The following SAMSN1 variants were observed in gnomAD, a reference collection of about 807,000 sequenced individuals.
The protein encoded by SAMSN1 is SAM domain, SH3 domain and nuclear localization signals 1, also known as SAM domain-containing protein SAMSN-1.
SAMSN1 carries 31 observed loss-of-function variants against 42.0 expected under a neutral mutation model. The ratio of observed to expected loss-of-function variants is 0.74; its 90% confidence interval spans 0.55 to 1.00. SAMSN1 has a LOEUF of 1.00. Among genes scored for constraint, SAMSN1 ranks in the 50% least tolerant of loss-of-function variants. The probability of loss-of-function intolerance (pLI) is 0.00; values close to 1 mark genes in which losing one functional copy is unlikely to be tolerated. For synonymous variants in SAMSN1, 178 were observed against 151.9 expected (o/e 1.17, Z -1.26); for missense variants, 464 against 439.4 (o/e 1.06, Z -0.50).
At chr21:14,622,600 C>G (rs2123345491) in intron 2 of SAMSN1, among the ~76,000 whole-genome samples, 1 of 152,304 alleles carries the variant, frequency 6.6e-6, no homozygotes, top group East Asian at 1.9e-4. Context: ...TGAACAGCCT[C>G]TAAGAATTAT....
rs915217601 is a variant in SAMSN1 at position 14,612,859 on chromosome 21, C to A, written c.235+17G>T. The A allele has an allele frequency of 6.4e-5, 45 of 705,938 alleles. No homozygotes were observed. The Admixed American group carries it at 6.5e-4, about 10-fold the overall frequency. 43.7% of individuals were successfully genotyped at this position (705,938 alleles called of 1,614,324 possible). ...CAGAATACATCGTTTACACTTGTAA[C>A]CTTAGGAATCACTAACCAAATATTT... is the stretch of plus-strand genomic sequence containing the variant. On this transcript the variant is annotated intron_variant, in intron 4 of 15. Coordinates refer to the SAMSN1 transcript ENST00000647101.
chr21:14,500,631 G>A lies in SAMSN1; in HGVS notation c.666C>T (p.Ile222=). 1 of 1,614,004 alleles carries A rather than the reference G, an allele frequency of 6.2e-7. No homozygotes were observed. Among genetic ancestry groups the A allele is most frequent in the Non-Finnish European group, 8.5e-7 (1 of 1,179,946 alleles). Residue 222 remains isoleucine, a synonymous_variant, in exon 6 of 8, where the codon ATC becomes ATT. Coordinates refer to ENST00000400566, the MANE Select transcript of SAMSN1 (RefSeq NM_022136.5). ...GNFKFIYVDV[I]SEEEAAPKKI... ...TCTTGGGGGCTGCTTCCTCTTCTGA[G>A]ATGACATCCACATAAATGAATTTGA...
In SAMSN1 at chr21:14,510,570, C is replaced by CT. The variant is rs889496654; in HGVS notation, c.410-110dup. ...TGCTGGAACACTGGATGCCAGGCTC[C>CT]TGAGGAAGTTCTAATTGACCCATCC... On this transcript the variant is annotated intron_variant, in intron 4 of 7. Coordinates refer to ENST00000400566, the MANE Select transcript of SAMSN1 (RefSeq NM_022136.5). 1.6e-5 allele frequency: 20 copies of CT among 1,269,518 alleles called. No individual in the cohort carries two copies. The African/African-American group carries it at 2.6e-4, about 17-fold the overall frequency. 78.6% of individuals were successfully genotyped at this position (1,269,518 alleles called of 1,614,324 possible). A position where few individuals can be genotyped will look rare whatever the true frequency, so the allele number is the denominator to read the frequency against.
At chr21:14,510,484 GTTGTCATGGAAGACTTATAACA>G in intron 4 of SAMSN1, 23 bp from the exon 5 acceptor site, 1 of 1,613,680 alleles carries the variant, frequency 6.2e-7, no homozygotes. Context: ...GAAGTTCACA[GTTGTCATGGAAGACTTATAACA>G]TTCTGAATCA....
chr21:14,582,333 T>G (rs1403051135), exon 2 of SAMSN1: 14 of 1,550,310 alleles, frequency 9.0e-6, no homozygotes, highest in Admixed American at 2.0e-5. Context: ...TCTTCCAAGT[T>G]GCAGTTATTT....
intron 2 of SAMSN1, among the ~76,000 whole-genome samples, chr21:14,638,597 C>T (rs963162478): frequency 3.9e-5 from 6 of 152,146 alleles, no homozygotes; most frequent in African/African-American, 1.4e-4. Context: ...GTGCATGATA[C>T]AATTACGGGC....
At chr21:14,634,761 C>A (rs1334295721) in intron 2 of SAMSN1, among the ~76,000 whole-genome samples, 3 of 152,146 alleles carry the variant, frequency 2.0e-5, no homozygotes, top group African/African-American at 2.4e-5. Context: ...TGTGGTGATA[C>A]CTCAAGGATC....
At chr21:14,500,962 C>A (rs556603857) in intron 5 of SAMSN1, among the ~76,000 whole-genome samples, 4 of 152,022 alleles carry the variant, frequency 2.6e-5, no homozygotes, top group East Asian at 1.9e-4. Flanking sequence ...TTGCATGAGG[C>A]CAGGAGTTTG....
intron 2 of SAMSN1, among the ~76,000 whole-genome samples, chr21:14,616,602 T>C (rs1982843325): frequency 6.6e-6 from 1 of 152,200 alleles, no homozygotes. Flanking sequence ...TTTTTCACCA[T>C]CCTTGAAACA....
At chr21:14,541,957 A>C (rs1317038932) in intron 1 of SAMSN1, among the ~76,000 whole-genome samples, 2 of 148,606 alleles carry the variant, frequency 1.3e-5, no homozygotes, top group African/African-American at 5.0e-5. Context: ...TTGTGCCTGC[A>C]CTCAAGCCTG....
intron 7 of SAMSN1, chr21:14,592,493 G>A (rs1982116691): frequency 5.6e-6 from 1 of 178,590 alleles, no homozygotes; most frequent in Non-Finnish European, 1.3e-5. Flanking sequence ...ATGTGAACTT[G>A]AGTGAGCCAC....
At chr21:14,571,842 C>A (rs1262425799) in intron 2 of SAMSN1, among the ~76,000 whole-genome samples, 3 of 152,054 alleles carry the variant, frequency 2.0e-5, no homozygotes, top group African/African-American at 4.8e-5. Context: ...AGTAGAGTAC[C>A]CCCAAGAAGC....
chr21:14,582,035 A>T (rs1981748423), intron 2 of SAMSN1: 1 of 1,173,972 alleles, frequency 8.5e-7, no homozygotes, highest in South Asian at 2.0e-5. Flanking sequence ...ACTTTTCTGA[A>T]ACTGATAAAT....
At chr21:14,631,385 T>G (rs1275617043) in intron 2 of SAMSN1, among the ~76,000 whole-genome samples, 1 of 152,200 alleles carries the variant, frequency 6.6e-6, no homozygotes, top group East Asian at 1.9e-4. Context: ...TTTAAAGAAC[T>G]TGTCCAAGGT....
intron 1 of SAMSN1, among the ~76,000 whole-genome samples, chr21:14,649,160 A>C (rs1003083055): frequency 6.6e-6 from 1 of 151,742 alleles, no homozygotes; most frequent in African/African-American, 2.4e-5. Context: ...GTCAGTAAAA[A>C]CTATCACAAG....
intron 7 of SAMSN1, chr21:14,592,669 A>G (rs1202907379): frequency 1.0e-5 from 4 of 381,638 alleles, no homozygotes; most frequent in Non-Finnish European, 2.2e-5. Context: ...AAAAGTGAGA[A>G]TGACCTACTG....
In SAMSN1 at chr21:14,640,142, G is replaced by C. The variant is rs140460316; in HGVS notation, c.156+2860C>G. Among the ~76,000 whole-genome samples, 577 of 152,226 alleles carry C rather than the reference G, an allele frequency of 3.8e-3. 2 individuals carry two copies. The highest frequency in any genetic ancestry group is 0.012 in the African/African-American group (509 of 41,538). ...GAACTCCCACTATGTTCAAAGCAGT[G>C]ATATCCAAAGGGTGAAATTCCTAGT... is the stretch of plus-strand genomic sequence containing the variant. On this transcript the variant is annotated intron_variant, in intron 2 of 15. Coordinates refer to the SAMSN1 transcript ENST00000647101.
At chr21:14,563,368 T>A (rs2123203210) in intron 2 of SAMSN1, among the ~76,000 whole-genome samples, 1 of 152,322 alleles carries the variant, frequency 6.6e-6, no homozygotes, top group African/African-American at 2.4e-5. Flanking sequence ...TTAACATGAC[T>A]TCACTTTGTT....
At chr21:14,600,809 T>C (rs1488811416) in intron 6 of SAMSN1, among the ~76,000 whole-genome samples, 1 of 152,184 alleles carries the variant, frequency 6.6e-6, no homozygotes, top group Admixed American at 6.5e-5. Context: ...AAAATGAGAC[T>C]GCTTGTTTCA....
Sources: allele counts gnomAD v4.1 joint callset (sites outside exome capture counted in the v4.1 genomes callset), GRCh38; gene constraint gnomAD v4.1.1; transcripts MANE v1.5; gene names NCBI Gene and HGNC (gene_info 2026-07-23, HGNC 2026-07-21).